Variants in ABAT observed in about 807,000 individuals in gnomAD.
ABAT encodes 4-aminobutyrate aminotransferase.
In ABAT, 45 loss-of-function variants were observed where a neutral mutation model predicts 64.6. The ratio of observed to expected loss-of-function variants is 0.70; its 90% CI spans 0.55 to 0.89. ABAT has a LOEUF of 0.89. Among genes scored for constraint, ABAT ranks in the 40% least tolerant of loss-of-function variants. ABAT has a pLI of 0.00. For synonymous variants in ABAT, 297 were observed against 250.5 expected (o/e 1.19, Z -1.75); for missense variants, 633 against 658.4 (o/e 0.96, Z 0.42).
At chr16:8,688,605 C>T (rs918684709) in intron 1 of ABAT, among the ~76,000 whole-genome samples, 2 of 152,120 alleles carry the variant, frequency 1.3e-5, no homozygotes, top group African/African-American at 2.4e-5. Context: ...TCCTGTGGAC[C>T]CCTTTGCCTC....
chr16:8,764,666 G>C lies in ABAT; in HGVS notation c.448-72G>C, dbSNP rs577282645. On this transcript the variant is annotated intron_variant, in intron 7 of 15. Transcript: ENST00000268251. The surrounding 1 kb of genome is among the most constrained non-coding windows in gnomAD (Gnocchi z 4.2). ...CCGGTACGGCCCCTGCGAAGATTCA[G>C]CTCCAGCCAGGGGAAGCGGGAGGAC... The C allele has an allele frequency of 2.1e-6, 3 of 1,410,710 alleles. No individual in the cohort carries two copies. Among genetic ancestry groups the C allele is most frequent in the Admixed American group, 3.4e-5 (2 of 59,692 alleles). The allele number at this position is 1,410,710 out of a possible 1,614,324, so 87.4% of individuals were successfully genotyped here. A position where few individuals can be genotyped will look rare whatever the true frequency, so the allele number is the denominator to read the frequency against.
rs1366798147 is a variant in ABAT, at chr16:8,776,659, G to A, written c.1269+169G>A. On this transcript the variant is annotated intron_variant, in intron 14 of 15. Coordinates refer to ENST00000268251, the MANE Select transcript of ABAT (RefSeq NM_020686.6). The surrounding 1 kb of genome is among the most constrained non-coding windows in gnomAD (Gnocchi z 4.4). Reference sequence around the variant, plus strand: ...CTTTGCACATGCTGTGTCCTCTGCAGGGGATGCCTCCCTATCCCTCCATCC... The same window carrying A: ...CTTTGCACATGCTGTGTCCTCTGCAAGGGATGCCTCCCTATCCCTCCATCC... Among the ~76,000 whole-genome samples the A allele has an allele frequency of 6.6e-6, 1 of 152,228 alleles. No homozygotes were observed.
At chr16:8,719,645 C>A (rs1224519515) in intron 1 of ABAT, among the ~76,000 whole-genome samples, 2 of 152,088 alleles carry the variant, frequency 1.3e-5, no homozygotes, top group Non-Finnish European at 2.9e-5. Flanking sequence ...TGCCAATAGT[C>A]TTTAGCAGCT....
chr16:8,752,969 C>T (rs1416110097), intron 5 of ABAT, among the ~76,000 whole-genome samples: 1 of 152,108 alleles, frequency 6.6e-6, no homozygotes, highest in Non-Finnish European at 1.5e-5. Flanking sequence ...GGTCTTCTAA[C>T]ATCACCTCCA....
intron 1 of ABAT, among the ~76,000 whole-genome samples, chr16:8,705,296 C>G (rs1253254328): frequency 6.6e-6 from 1 of 152,026 alleles, no homozygotes; most frequent in Non-Finnish European, 1.5e-5. Flanking sequence ...AAAACTGCCA[C>G]TTTAAAACCG....
intron 1 of ABAT, among the ~76,000 whole-genome samples, 194 bp downstream of exon 1, chr16:8,674,905 T>C (rs1312596603): frequency 5.3e-5 from 8 of 151,986 alleles, no homozygotes; most frequent in Non-Finnish European, 1.2e-4. Context: ...TACCTTCCTT[T>C]CTCCTTCAGA....
At chr16:8,689,434 A>T (rs1411851052) in intron 1 of ABAT, among the ~76,000 whole-genome samples, 4 of 152,344 alleles carry the variant, frequency 2.6e-5, no homozygotes, top group Non-Finnish European at 2.9e-5. Context: ...AGACTGCACC[A>T]ATCAAGACTT....
intron 2 of ABAT, among the ~76,000 whole-genome samples, chr16:8,742,146 T>G (rs1408553290): frequency 9.2e-5 from 14 of 152,146 alleles, no homozygotes; most frequent in Non-Finnish European, 1.9e-4. Flanking sequence ...AGTTAGCCAG[T>G]TCTCACCCTT....
chr16:8,681,365 G>A (rs1390191457), intron 1 of ABAT, among the ~76,000 whole-genome samples: 11 of 151,692 alleles, frequency 7.3e-5, no homozygotes, highest in African/African-American at 2.2e-4. Flanking sequence ...CTCAGCTCCT[G>A]TAGGTCACAC....
In ABAT at chr16:8,768,964, T is replaced by C. The variant is rs2060023740; in HGVS notation, c.807T>C (p.Cys269=). The change falls in exon 11 of 16, where the codon TGT becomes TGC. Residue 269 remains cysteine (C), a synonymous_variant. Transcript: ENST00000268251. ...AGAACCAACAGGAGGAGGCCCGCTG[T>C]CTGGAAGAGGTAATGCTCATACCCT... is the stretch of plus-strand genomic sequence containing the variant. ...VKENQQEEAR[C]LEEVEDLIVK... The C allele has an allele frequency of 6.2e-7, 1 of 1,614,052 alleles. No individual in the cohort carries two copies.
intron 13 of ABAT, among the ~76,000 whole-genome samples, chr16:8,775,753 G>A (rs1046376736): frequency 1.3e-5 from 2 of 152,202 alleles, no homozygotes; most frequent in Non-Finnish European, 2.9e-5. Context: ...GTCTTTAGCA[G>A]CCTTTCTAGA....
chr16:8,783,715 T>C lies in ABAT; in HGVS notation c.*2285T>C, dbSNP rs1223985611. 1.3e-5 allele frequency: 2 copies of C among 152,184 alleles called. No homozygotes were observed. The highest frequency in any genetic ancestry group is 1.9e-4 in the East Asian group (1 of 5,190). 9.4% of individuals were successfully genotyped at this position (152,184 alleles called of 1,614,324 possible). A position where few individuals can be genotyped will look rare whatever the true frequency, so the allele number is the denominator to read the frequency against. Reference sequence around the variant, plus strand: ...AAAACTTTAGCATTGGGTGCAAATATTCAGTATGGTTCTCGGAGTCCAAAG... The same window carrying C: ...AAAACTTTAGCATTGGGTGCAAATACTCAGTATGGTTCTCGGAGTCCAAAG... On this transcript the variant is annotated 3_prime_UTR_variant, in exon 16 of 16. Transcript: ENST00000268251.
intron 1 of ABAT, among the ~76,000 whole-genome samples, chr16:8,719,920 T>C (rs1596416421): frequency 6.6e-6 from 1 of 152,220 alleles, no homozygotes; most frequent in Admixed American, 6.5e-5. Flanking sequence ...TAAGCAATTC[T>C]CCTGCCTCAG....
At position 8,754,589 on chromosome 16, in the gene ABAT, G is replaced by C. The variant is rs530600339; in HGVS notation, c.317-3168G>C. Among the ~76,000 whole-genome samples the C allele has an allele frequency of 1.4e-3, 211 of 152,190 alleles. 1 individual carries two copies. The highest frequency in any genetic ancestry group is 9.8e-4 in the Non-Finnish European group (67 of 68,024). Reference sequence around the variant, plus strand: ...TGCACAAACTCCATTTGACCATCTTGGTCCCAACAGATTTCAGCTCGTTTC... The same window carrying C: ...TGCACAAACTCCATTTGACCATCTTCGTCCCAACAGATTTCAGCTCGTTTC... On this transcript the variant is annotated intron_variant, in intron 5 of 15. Coordinates refer to ENST00000268251, the MANE Select transcript of ABAT (RefSeq NM_020686.6).
chr16:8,742,330 G>A (rs1265018103), intron 2 of ABAT, among the ~76,000 whole-genome samples: 1 of 152,166 alleles, frequency 6.6e-6, no homozygotes, highest in African/African-American at 2.4e-5. Flanking sequence ...CAAGAAATCT[G>A]ATTGCTACAA....
Position 8,781,577 on chromosome 16 carries a change from C to G in ABAT, c.*147C>G. ...GTGGGGAGGGAGCATTTTTGGTGGT[C>G]TTGGGGGAGGGGAGGGGAGGGAAGG... On this transcript the variant is annotated 3_prime_UTR_variant, in exon 16 of 16. Coordinates refer to ENST00000268251, the MANE Select transcript of ABAT (RefSeq NM_020686.6). The surrounding 1 kb of genome is among the most constrained non-coding windows in gnomAD (Gnocchi z 4.5). 1.1e-5 allele frequency: 5 copies of G among 475,084 alleles called. No homozygotes were observed. The highest frequency in any genetic ancestry group is 2.7e-5 in the Admixed American group (1 of 36,766). The allele number at this position is 475,084 out of a possible 1,614,324, so 29.4% of individuals were successfully genotyped here.
chr16:8,777,715 A>T (rs760197453), intron 14 of ABAT, among the ~76,000 whole-genome samples: 1 of 152,168 alleles, frequency 6.6e-6, no homozygotes, highest in Non-Finnish European at 1.5e-5. Flanking sequence ...GCAATTGACA[A>T]GTGCAAGGAA....
intron 2 of ABAT, chr16:8,738,460 C>T (rs564124033): frequency 4.4e-6 from 2 of 455,966 alleles, no homozygotes; most frequent in Admixed American, 4.7e-5. Flanking sequence ...TCCAGGTACA[C>T]ACATTGCATT....
At chr16:8,719,968 C>T (rs1202374621) in intron 1 of ABAT, among the ~76,000 whole-genome samples, 15 of 152,184 alleles carry the variant, frequency 9.9e-5, no homozygotes, top group African/African-American at 2.9e-4. Context: ...CCTGCCACCA[C>T]GCCCAGCTGA....
Sources: gnomAD v4.1 joint callset for allele counts (sites outside exome capture counted in the v4.1 genomes callset) on GRCh38, gnomAD v4.1.1 for gene constraint, Gnocchi (gnomAD v3.1) non-coding constraint, MANE v1.5 for transcripts, NCBI Gene and HGNC (gene_info 2026-07-23, HGNC 2026-07-21) for gene names.